The following PKNOX2 variants were observed in gnomAD, a reference collection of about 807,000 sequenced individuals.
PKNOX2 encodes the protein PBX/knotted 1 homeobox 2.
In PKNOX2, 14 loss-of-function variants were observed where a neutral mutation model predicts 53.1. The observed-to-expected ratio is 0.26, with a 90% confidence interval of 0.17 to 0.41. The LOEUF is 0.41. Ranked by LOEUF, PKNOX2 falls within the 10% of genes least tolerant of loss-of-function variation. PKNOX2 has a pLI of 1.00. For synonymous variants in PKNOX2, 257 were observed against 242.8 expected, an observed-to-expected ratio of 1.06 and a Z score of -0.54; for missense variants, 496 against 602.8, an observed-to-expected ratio of 0.82 and a Z score of 1.85.
intron 1 of PKNOX2, among the ~76,000 whole-genome samples, chr11:125,221,847 T>A (rs1048701799): frequency 4.6e-5 from 7 of 152,228 alleles, no homozygotes; most frequent in South Asian, 4.2e-4. Flanking sequence ...TCATAAAAAC[T>A]TCCTGTCCCC....
intron 1 of PKNOX2, among the ~76,000 whole-genome samples, chr11:125,182,992 G>T (rs994530599): frequency 3.3e-5 from 5 of 152,176 alleles, no homozygotes; most frequent in Admixed American, 2.6e-4. Context: ...AAGAGGGACC[G>T]TGGAGAGCCT....
chr11:125,168,756 G>A (rs1234227305), intron 1 of PKNOX2, among the ~76,000 whole-genome samples: 1 of 152,210 alleles, frequency 6.6e-6, no homozygotes, highest in East Asian at 1.9e-4. Context: ...TGAATCCAAC[G>A]TGCAACGTAA....
chr11:125,399,047 CAG>C (rs768719441), intron 7 of PKNOX2, among the ~76,000 whole-genome samples: 2 of 152,232 alleles, frequency 1.3e-5, no homozygotes, highest in Non-Finnish European at 2.9e-5. Context: ...TTGGTGGAGT[CAG>C]GGGAGGGGAC....
intron 1 of PKNOX2, among the ~76,000 whole-genome samples, chr11:125,173,204 G>T (rs773949210): frequency 3.3e-5 from 5 of 152,214 alleles, no homozygotes; most frequent in Admixed American, 1.3e-4. Flanking sequence ...CACATGGCAA[G>T]CTCATGTTGA....
At chr11:125,386,526 ATTC>A (rs1261990529) in intron 6 of PKNOX2, among the ~76,000 whole-genome samples, 1 of 152,074 alleles carries the variant, frequency 6.6e-6, no homozygotes, top group African/African-American at 2.4e-5. Context: ...ATTAACCACA[ATTC>A]TTTATTTTTG....
At chr11:125,222,603 GTC>G (rs1941263654) in intron 1 of PKNOX2, among the ~76,000 whole-genome samples, 1 of 135,622 alleles carries the variant, frequency 7.4e-6, no homozygotes, top group African/African-American at 2.7e-5. Flanking sequence ...GTGTGTGTGT[GTC>G]TGTGTGTATG....
intron 3 of PKNOX2, among the ~76,000 whole-genome samples, chr11:125,334,747 C>CA (rs1245733778): frequency 2.0e-5 from 3 of 151,634 alleles, no homozygotes; most frequent in African/African-American, 7.3e-5. Context: ...AACAGGTGCA[C>CA]ACCTCCATGC....
chr11:125,329,746 G>C (rs1435182544), intron 2 of PKNOX2, among the ~76,000 whole-genome samples: 6 of 152,224 alleles, frequency 3.9e-5, no homozygotes, highest in Non-Finnish European at 7.3e-5. Flanking sequence ...ATCGGGCATT[G>C]AGGGGAGTGG....
intron 2 of PKNOX2, among the ~76,000 whole-genome samples, chr11:125,242,886 A>G (rs1031711718): frequency 6.6e-6 from 1 of 152,204 alleles, no homozygotes; most frequent in Non-Finnish European, 1.5e-5. Context: ...TAGGTGCTCA[A>G]CAAATGCTCA....
At chr11:125,296,609 C>T (rs1376069711) in intron 2 of PKNOX2, among the ~76,000 whole-genome samples, 1 of 152,154 alleles carries the variant, frequency 6.6e-6, no homozygotes, top group African/African-American at 2.4e-5. Flanking sequence ...CATCTCCATC[C>T]AGCATGCTAT....
intron 3 of PKNOX2, among the ~76,000 whole-genome samples, chr11:125,338,896 T>C (rs1250860690): frequency 2.0e-5 from 3 of 152,216 alleles, no homozygotes; most frequent in Admixed American, 1.3e-4. Context: ...GGCAGGACTC[T>C]TTCTTTCCAC....
chr11:125,431,289 A>AGATGGAAGAGGAGGAGG lies in PKNOX2; in HGVS notation c.1317_1333dup (p.Glu445GlyfsTer80). ...GGGACAGAAGAAGAGGATGAGGATG[A>AGATGGAAGAGGAGGAGG]GATGGAAGAGGAGGAGGAGGAGGAG... On this transcript the variant is annotated frameshift_variant, in exon 13 of 13. Coordinates refer to ENST00000298282, the MANE Select transcript of PKNOX2 (RefSeq NM_001382323.2). LOFTEE classifies it high-confidence loss of function. 1 of 1,612,702 alleles carries AGATGGAAGAGGAGGAGG rather than the reference A, an allele frequency of 6.2e-7. No individual in the cohort carries two copies. Among genetic ancestry groups the AGATGGAAGAGGAGGAGG allele is most frequent in the Non-Finnish European group, 8.5e-7 (1 of 1,179,500 alleles).
At chr11:125,266,503 T>C (rs1031957349) in intron 2 of PKNOX2, 7 of 152,188 alleles carry the variant, frequency 4.6e-5, no homozygotes, top group African/African-American at 1.7e-4. Flanking sequence ...ATTATGGATG[T>C]GTGGAGGCAG....
At chr11:125,249,165 C>G (rs958562859) in intron 2 of PKNOX2, among the ~76,000 whole-genome samples, 1 of 148,082 alleles carries the variant, frequency 6.8e-6, no homozygotes, top group Admixed American at 6.8e-5. Context: ...GATCCTATTC[C>G]CCTGGGAATC....
chr11:125,298,489 A>G (rs1472952161), intron 2 of PKNOX2, among the ~76,000 whole-genome samples: 1 of 152,154 alleles, frequency 6.6e-6, no homozygotes, highest in African/African-American at 2.4e-5. Context: ...CTGAGCTCCA[A>G]AGCAACAGCC....
At chr11:125,378,720 G>T (rs989583625) in intron 5 of PKNOX2, among the ~76,000 whole-genome samples, 1 of 152,166 alleles carries the variant, frequency 6.6e-6, no homozygotes, top group Non-Finnish European at 1.5e-5. Context: ...GGCTTAGAAG[G>T]GACAGAGTGG....
chr11:125,299,758 G>C (rs907803588), intron 2 of PKNOX2, among the ~76,000 whole-genome samples: 1 of 152,190 alleles, frequency 6.6e-6, no homozygotes, highest in East Asian at 1.9e-4. Flanking sequence ...GAGGGTGAGC[G>C]TTGGGGATAT....
chr11:125,182,930 A>T (rs1956233772), intron 1 of PKNOX2, among the ~76,000 whole-genome samples: 1 of 152,086 alleles, frequency 6.6e-6, no homozygotes. Flanking sequence ...GGCTTATTTG[A>T]CTTTCTGGAA....
chr11:125,317,864 TCTC>T (rs1243135874), intron 2 of PKNOX2, among the ~76,000 whole-genome samples: 1 of 152,200 alleles, frequency 6.6e-6, no homozygotes, highest in African/African-American at 2.4e-5. Context: ...GACATTGACT[TCTC>T]CTTTCTAGCT....
Sources: allele counts gnomAD v4.1 joint callset (sites outside exome capture counted in the v4.1 genomes callset), GRCh38; gene constraint gnomAD v4.1.1; transcripts MANE v1.5; gene names NCBI Gene and HGNC (gene_info 2026-07-23, HGNC 2026-07-21).